MARCHF10: variants seen among roughly 807,000 people sequenced by gnomAD.
The protein encoded by MARCHF10 is membrane associated ring-CH-type finger 10.
Under a neutral mutation model 76.2 loss-of-function variants are expected in MARCHF10, and 64 were observed. The ratio of observed to expected loss-of-function variants is 0.84; its 90% CI spans 0.69 to 1.03. The LOEUF is 1.03. Ranked by LOEUF, MARCHF10 falls within the 50% of genes least tolerant of loss-of-function variation. The pLI is 0.00. For synonymous variants in MARCHF10, 340 were observed against 357.5 expected, an observed-to-expected ratio of 0.95 and a Z score of 0.55; for missense variants, 875 against 958.0, an observed-to-expected ratio of 0.91 and a Z score of 1.14.
At chr17:62,747,676 T>G (rs2091753205) in intron 4 of MARCHF10, among the ~76,000 whole-genome samples, 1 of 152,230 alleles carries the variant, frequency 6.6e-6, no homozygotes, top group South Asian at 2.1e-4. Context: ...TAATGGGAAA[T>G]CTGAAGTCAT....
Position 62,736,621 on chromosome 17 carries a change from T to C in MARCHF10, c.1247A>G (p.Asn416Ser), listed in dbSNP as rs138015683. Reference sequence around the variant, plus strand: ...ACAATCACTCCATACATTTTCAGCATTGACACCAACCTCTTGTCTGGGCTC... The same window carrying C: ...ACAATCACTCCATACATTTTCAGCACTGACACCAACCTCTTGTCTGGGCTC... ...KSEPRQEVGV[N>S]AENVWSDCIS... Residue 416 changes from asparagine (N) to serine (S), a missense_variant, in exon 6 of 11, where the codon AAT becomes AGT. Transcript: ENST00000311269. 972 of 1,614,190 alleles carry C rather than the reference T, an allele frequency of 6.0e-4. 8 individuals are homozygous for C. In the African/African-American group the frequency reaches 0.012, roughly 19 times the overall value.
intron 1 of MARCHF10, among the ~76,000 whole-genome samples, chr17:62,807,838 G>A (rs2093185981): frequency 5.3e-5 from 8 of 152,178 alleles, no homozygotes; most frequent in Admixed American, 2.6e-4. Context: ...TACCTTTTCT[G>A]ACCAGTGGCG....
intron 3 of MARCHF10, among the ~76,000 whole-genome samples, chr17:62,787,736 G>A (rs904629581): frequency 1.3e-5 from 2 of 151,758 alleles, no homozygotes; most frequent in South Asian, 2.1e-4. Flanking sequence ...GTAAAGTGGG[G>A]CAAAGATGGA....
At chr17:62,795,634 T>A (rs1375324786) in intron 2 of MARCHF10, among the ~76,000 whole-genome samples, 4 of 152,182 alleles carry the variant, frequency 2.6e-5, no homozygotes, top group Non-Finnish European at 5.9e-5. Context: ...ATTTGCTGCA[T>A]ACCAACACTT....
At chr17:62,731,811 A>G (rs1227681698) in intron 6 of MARCHF10, among the ~76,000 whole-genome samples, 1 of 152,204 alleles carries the variant, frequency 6.6e-6, no homozygotes, top group East Asian at 1.9e-4. Context: ...ATCAAATCAT[A>G]ATAGACACAT....
intron 2 of MARCHF10, among the ~76,000 whole-genome samples, chr17:62,797,834 G>A (rs2148192084): frequency 6.6e-6 from 1 of 152,282 alleles, no homozygotes; most frequent in African/African-American, 2.4e-5. Context: ...TAATGGTCTT[G>A]GACAGAAATT....
Position 62,736,897 on chromosome 17 carries a change from G to T in MARCHF10, c.971C>A (p.Thr324Asn). 1 of 1,613,998 alleles carries T rather than the reference G, an allele frequency of 6.2e-7. No individual in the cohort carries two copies. Among genetic ancestry groups the T allele is most frequent in the South Asian group, 1.1e-5 (1 of 91,060 alleles). Reference protein sequence around the residue: ...HKRSRFGGTSTPQAKNKNFEE... With the variant: ...HKRSRFGGTSNPQAKNKNFEE... Reference sequence around the variant, plus strand: ...AAAATTTTTATTTTTGGCCTGAGGGGTCGATGTCCCCCCAAATCTACTTCT... The same window carrying T: ...AAAATTTTTATTTTTGGCCTGAGGGTTCGATGTCCCCCCAAATCTACTTCT... The change falls in exon 6 of 11, where the codon ACC becomes AAC. Residue 324 changes from threonine (T) to asparagine (N), a missense_variant. Transcript: ENST00000311269.
chr17:62,765,988 GT>G (rs1394099435), intron 3 of MARCHF10, among the ~76,000 whole-genome samples: 3 of 151,026 alleles, frequency 2.0e-5, no homozygotes, highest in South Asian at 2.1e-4. Context: ...GAGCCCAGGA[GT>G]TTGAGACCAG....
intron 4 of MARCHF10, 110 bp from the exon 5 acceptor site, chr17:62,744,638 G>A: frequency 1.7e-6 from 2 of 1,211,632 alleles, no homozygotes; most frequent in Non-Finnish European, 1.1e-6. Context: ...TTAGGTGGAA[G>A]GGCAGTCAAG....
At chr17:62,758,487 T>C (rs1374890597) in intron 4 of MARCHF10, among the ~76,000 whole-genome samples, 2 of 152,234 alleles carry the variant, frequency 1.3e-5, no homozygotes, top group Admixed American at 1.3e-4. Flanking sequence ...CCTTACCTGC[T>C]CTATTTCAAC....
intron 3 of MARCHF10, among the ~76,000 whole-genome samples, chr17:62,761,891 C>T (rs2092212591): frequency 6.6e-6 from 1 of 152,188 alleles, no homozygotes; most frequent in Non-Finnish European, 1.5e-5. Context: ...GACAGAATTT[C>T]TTCCATAAAC....
chr17:62,735,756 A>G (rs1338524918), intron 6 of MARCHF10, 175 bp downstream of exon 6: 3 of 606,216 alleles, frequency 4.9e-6, no homozygotes, highest in Non-Finnish European at 8.3e-6. Context: ...TTCTTTATAA[A>G]TACGTATATT....
intron 2 of MARCHF10, among the ~76,000 whole-genome samples, chr17:62,799,210 G>A (rs570323080): frequency 6.6e-6 from 1 of 152,138 alleles, no homozygotes; most frequent in African/African-American, 2.4e-5. Context: ...TCAGCAAGAT[G>A]TCTGTTCTGC....
chr17:62,767,982 C>T (rs898750310), intron 3 of MARCHF10, among the ~76,000 whole-genome samples: 1 of 152,098 alleles, frequency 6.6e-6, no homozygotes, highest in East Asian at 1.9e-4. Flanking sequence ...ATATCTGGCC[C>T]TGCACCTCTG....
At chr17:62,756,497 A>T (rs1443224140) in intron 4 of MARCHF10, among the ~76,000 whole-genome samples, 1 of 152,184 alleles carries the variant, frequency 6.6e-6, no homozygotes, top group East Asian at 1.9e-4. Context: ...TTTTGTAAAG[A>T]AAAAAAGATG....
chr17:62,788,141 C>G (rs2092776168), intron 3 of MARCHF10, among the ~76,000 whole-genome samples: 1 of 152,124 alleles, frequency 6.6e-6, no homozygotes, highest in Non-Finnish European at 1.5e-5. Flanking sequence ...CTTAAGAAGG[C>G]CCAGTGCCTC....
At chr17:62,777,726 AAG>A (rs1388211364) in intron 3 of MARCHF10, among the ~76,000 whole-genome samples, 14 of 149,766 alleles carry the variant, frequency 9.3e-5, no homozygotes, top group Non-Finnish European at 1.2e-4. Context: ...AAAAAAAAAA[AAG>A]AAAAAAAAAA....
chr17:62,801,028 G>A (rs1488704976), intron 2 of MARCHF10, among the ~76,000 whole-genome samples: 2 of 152,162 alleles, frequency 1.3e-5, no homozygotes, highest in Admixed American at 1.3e-4. Flanking sequence ...TCAAATTTAA[G>A]CCCTAATGCC....
At chr17:62,705,610 A>G (rs748245415) in intron 9 of MARCHF10, 29 bp from the exon 10 acceptor site, 27 of 1,613,334 alleles carry the variant, frequency 1.7e-5, no homozygotes, top group Non-Finnish European at 2.3e-5. Flanking sequence ...TGAGAAATGA[A>G]TTGTTTTTTC....
Sources: gnomAD v4.1 joint callset for allele counts (sites outside exome capture counted in the v4.1 genomes callset) on GRCh38, gnomAD v4.1.1 for gene constraint, MANE v1.5 for transcripts, NCBI Gene and HGNC (gene_info 2026-07-23, HGNC 2026-07-21) for gene names.